The following PDILT variants were observed in gnomAD, a reference collection of about 807,000 sequenced individuals.
PDILT encodes protein disulfide-isomerase-like protein of the testis.
PDILT carries 43 observed loss-of-function variants against 53.7 expected under a neutral mutation model. The observed-to-expected ratio is 0.80, with a 90% CI of 0.63 to 1.03. The LOEUF (loss-of-function observed/expected upper bound fraction) is 1.03, where lower values mean the gene tolerates loss of function less well. PDILT is among the 50% of genes least tolerant of loss of function. The probability of loss-of-function intolerance (pLI) is 0.00; values close to 1 mark genes in which losing one functional copy is unlikely to be tolerated. For synonymous variants in PDILT, 282 were observed against 274.2 expected, an observed-to-expected ratio of 1.03 and a Z score of -0.28; for missense variants, 727 against 712.3, an observed-to-expected ratio of 1.02 and a Z score of -0.24.
Position 20,390,560 on chromosome 16 carries a change from G to T in PDILT, c.203-5709C>A, listed in dbSNP as rs947650292. 4 of 152,074 alleles carry T rather than the reference G, an allele frequency of 2.6e-5. No homozygotes were observed. The South Asian group carries it at 6.2e-4, about 24-fold the overall frequency. The allele number at this position is 152,074 out of a possible 1,614,324, so 9.4% of individuals were successfully genotyped here. ...TTTCTCCATAGTACTTTTAACCGTA[G>T]GAAATACTATATATTTTACTTATTT... On this transcript the variant is annotated intron_variant, in intron 2 of 11. Coordinates refer to ENST00000302451, the MANE Select transcript of PDILT (RefSeq NM_174924.2).
chr16:20,371,089 G>A (rs894711226), intron 7 of PDILT, among the ~76,000 whole-genome samples: 2 of 151,934 alleles, frequency 1.3e-5, no homozygotes, highest in Non-Finnish European at 2.9e-5. Flanking sequence ...TTTCTTACAC[G>A]AGATCCAAGA....
chr16:20,381,267 G>A (rs150346252), intron 3 of PDILT, among the ~76,000 whole-genome samples: 19 of 152,300 alleles, frequency 1.2e-4, no homozygotes, highest in South Asian at 4.1e-4. Context: ...CAGAAGATGC[G>A]TAAAGCACTG....
intron 10 of PDILT, 74 bp from the exon 11 acceptor site, chr16:20,360,731 A>G: frequency 8.8e-7 from 1 of 1,130,124 alleles, no homozygotes; most frequent in Non-Finnish European, 1.3e-6. Flanking sequence ...CTACCTAGGT[A>G]AACCCAGGGT....
At chr16:20,388,154 AG>A (rs1484339298) in intron 2 of PDILT, among the ~76,000 whole-genome samples, 1 of 152,164 alleles carries the variant, frequency 6.6e-6, no homozygotes, top group Admixed American at 6.5e-5. Flanking sequence ...TTCTATGGAA[AG>A]ATGATGATGA....
At chr16:20,397,969 A>G (rs1248572893) in intron 2 of PDILT, among the ~76,000 whole-genome samples, 1 of 151,992 alleles carries the variant, frequency 6.6e-6, no homozygotes, top group African/African-American at 2.4e-5. Flanking sequence ...ATCCTACCAT[A>G]CAGAACATGG....
At chr16:20,375,860 T>C (rs1966378524) in intron 4 of PDILT, among the ~76,000 whole-genome samples, 1 of 151,902 alleles carries the variant, frequency 6.6e-6, no homozygotes, top group South Asian at 2.1e-4. Flanking sequence ...TTAGCCACAC[T>C]GTTAAAACCC....
intron 1 of PDILT, among the ~76,000 whole-genome samples, chr16:20,402,290 A>ATCCTTTCTTTTCTTT (rs112422552): frequency 1.3e-4 from 19 of 149,520 alleles, no homozygotes; most frequent in African/African-American, 4.7e-4. Flanking sequence ...AGGAGTGTTG[A>ATCCTTTCTTTTCTTT]TCTTTTCTTT....
At chr16:20,402,459 C>T (rs763298365) in intron 1 of PDILT, among the ~76,000 whole-genome samples, 76 of 152,160 alleles carry the variant, frequency 5.0e-4, no homozygotes, top group Non-Finnish European at 8.5e-4. Context: ...CCATCATGCC[C>T]GGCTAATTTT....
intron 11 of PDILT, 69 bp from the exon 12 acceptor site, chr16:20,359,636 A>G: frequency 1.4e-6 from 2 of 1,452,466 alleles, no homozygotes; most frequent in Non-Finnish European, 1.9e-6. Flanking sequence ...AAGAGGCAAG[A>G]AATATGTCAT....
At chr16:20,368,614 C>G (rs75127901) in intron 8 of PDILT, among the ~76,000 whole-genome samples, 2,284 of 44,468 alleles carry the variant, frequency 0.051, 53 homozygotes, top group African/African-American at 0.12. Flanking sequence ...GGGGGTGGTG[C>G]TGGACAGGGT....
At chr16:20,363,969 G>A (rs559165173) in intron 9 of PDILT, among the ~76,000 whole-genome samples, 1 of 152,100 alleles carries the variant, frequency 6.6e-6, no homozygotes, top group Non-Finnish European at 1.5e-5. Context: ...TAAGCGAAAT[G>A]GCCTCAAAAG....
At position 20,359,431 on chromosome 16, in the gene PDILT, A is replaced by G; in HGVS notation, c.1643T>C (p.Leu548Pro). Reference sequence around the variant, plus strand: ...TTTCTTCTTCCCAGCGGGCTCTTCCAGCTTGGATACGTACTTGGTCATGTT... The same window carrying G: ...TTTCTTCTTCCCAGCGGGCTCTTCCGGCTTGGATACGTACTTGGTCATGTT... Reference protein sequence around the residue: ...LENMTKYVSKLEEPAGKKKTS... With the variant: ...LENMTKYVSKPEEPAGKKKTS... The change falls in exon 12 of 12, where the codon CTG (leucine) becomes CCG (proline). Residue 548 changes from leucine to proline, a missense_variant. Coordinates refer to ENST00000302451, the MANE Select transcript of PDILT (RefSeq NM_174924.2). The G allele has an allele frequency of 3.1e-6, 5 of 1,614,108 alleles. No homozygotes were observed. Among genetic ancestry groups the G allele is most frequent in the Non-Finnish European group, 4.2e-6 (5 of 1,180,022 alleles).
intron 8 of PDILT, among the ~76,000 whole-genome samples, chr16:20,366,978 TCC>T (rs879379865): frequency 0.063 from 3,474 of 55,558 alleles, 219 homozygotes; most frequent in Middle Eastern, 0.12. Flanking sequence ...CTTCCTTCCT[TCC>T]TTCCTTCCTT....
chr16:20,400,627 T>C (rs548583432), intron 1 of PDILT, among the ~76,000 whole-genome samples: 8 of 152,246 alleles, frequency 5.3e-5, no homozygotes, highest in African/African-American at 1.4e-4. Flanking sequence ...TTGGGAAATT[T>C]TGAATATGTA....
chr16:20,380,009 A>G (rs1305054789), intron 3 of PDILT, among the ~76,000 whole-genome samples: 1 of 152,252 alleles, frequency 6.6e-6, no homozygotes, highest in Non-Finnish European at 1.5e-5. Flanking sequence ...AGTATATTGT[A>G]AGTGATCCAA....
intron 7 of PDILT, 71 bp from the exon 8 acceptor site, chr16:20,369,760 G>A (rs1966276240): frequency 2.0e-6 from 3 of 1,466,818 alleles, no homozygotes; most frequent in Admixed American, 3.4e-5. Flanking sequence ...GAAAGGCTGT[G>A]GACTAAGGGG....
intron 1 of PDILT, among the ~76,000 whole-genome samples, chr16:20,402,256 G>T (rs1292163638): frequency 1.3e-5 from 2 of 150,382 alleles, no homozygotes; most frequent in Admixed American, 6.6e-5. Context: ...GATAAGAGAA[G>T]ATTCAAAAGT....
intron 3 of PDILT, among the ~76,000 whole-genome samples, chr16:20,377,869 G>A (rs144837196): frequency 0.011 from 1,707 of 152,114 alleles, 48 homozygotes; most frequent in African/African-American, 0.038. Flanking sequence ...CAGGAGAATC[G>A]CTTGAACCCA....
In PDILT at chr16:20,359,717, G is replaced by T. The variant is rs1596574594; in HGVS notation, c.1507-150C>A. On this transcript the variant is annotated intron_variant, in intron 11 of 11. Transcript: ENST00000302451. ...GAGAGAATCAGTCTTTGGACTGCAG[G>T]GTTTTCACAGATGCTGAAGATCCGT... is the stretch of plus-strand genomic sequence containing the variant. 1.2e-5 allele frequency: 10 copies of T among 807,242 alleles called. No homozygotes were observed. The East Asian group carries it at 2.7e-4, about 22-fold the overall frequency. 50.0% of individuals were successfully genotyped at this position (807,242 alleles called of 1,614,324 possible). A position where few individuals can be genotyped will look rare whatever the true frequency, so the allele number is the denominator to read the frequency against.
Sources: allele counts gnomAD v4.1 joint callset (sites outside exome capture counted in the v4.1 genomes callset), GRCh38; gene constraint gnomAD v4.1.1; transcripts MANE v1.5; gene names NCBI Gene and HGNC (gene_info 2026-07-23, HGNC 2026-07-21).